FGGY: variants seen among roughly 807,000 people sequenced by gnomAD.
FGGY encodes FGGY carbohydrate kinase domain containing.
FGGY carries 72 observed loss-of-function variants against 71.3 expected under a neutral mutation model. The ratio of observed to expected loss-of-function variants is 1.01; its 90% confidence interval spans 0.84 to 1.23. FGGY has a LOEUF of 1.23. FGGY is among the 50% of genes most tolerant of loss of function. The probability of loss-of-function intolerance (pLI) is 0.00; values close to 1 mark genes in which losing one functional copy is unlikely to be tolerated. For missense variants in FGGY, 668 were observed against 682.3 expected (o/e 0.98, Z 0.23); for synonymous variants, 251 against 250.3 (o/e 1.00, Z -0.02).
At chr1:59,586,320 C>G (rs1162611468) in intron 8 of FGGY, among the ~76,000 whole-genome samples, 1 of 152,150 alleles carries the variant, frequency 6.6e-6, no homozygotes, top group Non-Finnish European at 1.5e-5. Context: ...CCATGGAATA[C>G]TATGCAGCCA....
chr1:59,723,690 A>G (rs1374465752), intron 14 of FGGY, among the ~76,000 whole-genome samples: 3 of 152,126 alleles, frequency 2.0e-5, no homozygotes, highest in African/African-American at 7.2e-5. Context: ...CTAGTAACAC[A>G]GTTACATTGT....
At chr1:59,585,012 A>G (rs2096259793) in intron 8 of FGGY, among the ~76,000 whole-genome samples, 1 of 152,182 alleles carries the variant, frequency 6.6e-6, no homozygotes. Context: ...GCTCAATGAA[A>G]TAAAAGAGGA....
At chr1:59,369,841 G>GC (rs1179193786) in intron 4 of FGGY, among the ~76,000 whole-genome samples, 4 of 152,212 alleles carry the variant, frequency 2.6e-5, no homozygotes, top group African/African-American at 9.7e-5. Context: ...CAACAGACCT[G>GC]CAGCTGAGGG....
At chr1:59,462,797 G>C (rs963694111) in intron 6 of FGGY, among the ~76,000 whole-genome samples, 3 of 152,060 alleles carry the variant, frequency 2.0e-5, no homozygotes, top group African/African-American at 7.2e-5. Flanking sequence ...TCATTAAAAA[G>C]TCAGGAAACA....
At position 59,737,171 on chromosome 1, in the gene FGGY, A is replaced by G. The variant is rs147767900; in HGVS notation, c.1513-20760A>G. Reference sequence around the variant, plus strand: ...CCTCTACCTAGATTTCAGAGGATGTATGGAAATGCCTGGATGTCCAGGCAG... The same window carrying G: ...CCTCTACCTAGATTTCAGAGGATGTGTGGAAATGCCTGGATGTCCAGGCAG... On this transcript the variant is annotated intron_variant, in intron 14 of 15. Coordinates refer to ENST00000303721, the MANE Select transcript of FGGY (RefSeq NM_018291.5). Among the ~76,000 whole-genome samples the G allele has an allele frequency of 8.9e-3, 1,353 of 152,390 alleles. 13 individuals carry two copies. The highest frequency in any genetic ancestry group is 0.015 in the Non-Finnish European group (1,045 of 68,038).
At chr1:59,689,217 G>T (rs1216362222) in intron 14 of FGGY, among the ~76,000 whole-genome samples, 1 of 152,158 alleles carries the variant, frequency 6.6e-6, no homozygotes, top group African/African-American at 2.4e-5. Context: ...CTGGCTTTGT[G>T]TAAGAAATGG....
intron 8 of FGGY, among the ~76,000 whole-genome samples, chr1:59,591,577 G>T (rs1235046183): frequency 6.6e-6 from 1 of 152,166 alleles, no homozygotes; most frequent in East Asian, 1.9e-4. Flanking sequence ...CATGGTACTG[G>T]TAACAAAACA....
intron 6 of FGGY, among the ~76,000 whole-genome samples, chr1:59,480,344 C>T (rs1042922756): frequency 2.6e-5 from 4 of 152,146 alleles, no homozygotes; most frequent in Non-Finnish European, 4.4e-5. Context: ...CCCTTCTCAC[C>T]GCAAGATCTG....
At chr1:59,432,166 A>G (rs1359680686) in intron 5 of FGGY, among the ~76,000 whole-genome samples, 1 of 152,188 alleles carries the variant, frequency 6.6e-6, no homozygotes, top group Admixed American at 6.5e-5. Context: ...TTGGTGAACA[A>G]GTGGAGGTGC....
At chr1:59,604,303 C>CA (rs1287934571) in intron 8 of FGGY, among the ~76,000 whole-genome samples, 2 of 152,212 alleles carry the variant, frequency 1.3e-5, no homozygotes, top group Admixed American at 1.3e-4. Flanking sequence ...CACAAGTGTA[C>CA]ATTCTTTCTC....
intron 5 of FGGY, among the ~76,000 whole-genome samples, chr1:59,422,853 A>G (rs1279060323): frequency 6.6e-6 from 1 of 152,228 alleles, no homozygotes; most frequent in Non-Finnish European, 1.5e-5. Context: ...TATTATAGTA[A>G]ACTTGACTCA....
chr1:59,705,599 G>A (rs2097752175), intron 14 of FGGY, among the ~76,000 whole-genome samples: 2 of 152,166 alleles, frequency 1.3e-5, no homozygotes, highest in African/African-American at 4.8e-5. Flanking sequence ...GCTGCAAGAA[G>A]CTGGATACTG....
At chr1:59,441,472 C>G (rs995980335) in intron 5 of FGGY, among the ~76,000 whole-genome samples, 2 of 152,224 alleles carry the variant, frequency 1.3e-5, no homozygotes, top group Non-Finnish European at 2.9e-5. Context: ...CAACCCATCT[C>G]AGTTCCCTGT....
chr1:59,631,666 C>A (rs1300198604), intron 10 of FGGY, among the ~76,000 whole-genome samples: 1 of 152,156 alleles, frequency 6.6e-6, no homozygotes, highest in Non-Finnish European at 1.5e-5. Context: ...TTAGGGTCAG[C>A]AAATCCTGTT....
intron 6 of FGGY, among the ~76,000 whole-genome samples, chr1:59,466,272 T>C (rs2092620967): frequency 6.6e-6 from 1 of 152,138 alleles, no homozygotes; most frequent in African/African-American, 2.4e-5. Flanking sequence ...CCCTATTTAA[T>C]AAATGGTGCT....
intron 8 of FGGY, among the ~76,000 whole-genome samples, chr1:59,591,997 C>T (rs953536326): frequency 6.6e-6 from 1 of 152,214 alleles, no homozygotes; most frequent in Non-Finnish European, 1.5e-5. Context: ...TCAGACTGAA[C>T]AGGCAACCTA....
At chr1:59,461,597 C>T (rs1231489932) in intron 6 of FGGY, among the ~76,000 whole-genome samples, 1 of 152,064 alleles carries the variant, frequency 6.6e-6, no homozygotes, top group East Asian at 1.9e-4. Context: ...AGAAGAGCAA[C>T]CCCAAGACAC....
intron 6 of FGGY, among the ~76,000 whole-genome samples, chr1:59,504,819 A>G (rs776250153): frequency 8.5e-5 from 13 of 152,138 alleles, no homozygotes; most frequent in Non-Finnish European, 1.3e-4. Context: ...TTCCTGTGTG[A>G]GTGTATGTTT....
At chr1:59,347,975 G>A (rs2052447799) in intron 4 of FGGY, among the ~76,000 whole-genome samples, 1 of 152,130 alleles carries the variant, frequency 6.6e-6, no homozygotes, top group Non-Finnish European at 1.5e-5. Context: ...TTAAACTAAA[G>A]AGCTTCTGCA....
Sources: allele counts gnomAD v4.1 joint callset (sites outside exome capture counted in the v4.1 genomes callset), GRCh38; gene constraint gnomAD v4.1.1; transcripts MANE v1.5; gene names NCBI Gene and HGNC (gene_info 2026-07-23, HGNC 2026-07-21).